The following MRPL3 variants were observed in gnomAD, a reference collection of about 807,000 sequenced individuals.
MRPL3 encodes mitochondrial ribosomal protein L3.
A neutral mutation model predicts 44.3 loss-of-function variants in MRPL3; 43 were observed. The ratio of observed to expected loss-of-function variants is 0.97; its 90% confidence interval spans 0.76 to 1.25. The LOEUF (loss-of-function observed/expected upper bound fraction) is 1.25, where lower values mean the gene tolerates loss of function less well. MRPL3 is among the 50% of genes most tolerant of loss of function. MRPL3 has a pLI of 0.00. For missense variants in MRPL3, 406 were observed against 427.6 expected, an observed-to-expected ratio of 0.95 and a Z score of 0.45; for synonymous variants, 171 against 152.3, an observed-to-expected ratio of 1.12 and a Z score of -0.91.
At chr3:131,470,346 T>C (rs536842982) in intron 7 of MRPL3, among the ~76,000 whole-genome samples, 1 of 152,272 alleles carries the variant, frequency 6.6e-6, no homozygotes, top group South Asian at 2.1e-4. Flanking sequence ...TAGTTCTACA[T>C]CTAAAGAAGC....
intron 6 of MRPL3, chr3:131,479,189 C>A (rs369067939): frequency 2.7e-5 from 14 of 519,122 alleles, no homozygotes; most frequent in Middle Eastern, 3.2e-4. Flanking sequence ...ACTGTCCCCC[C>A]TGCCTGGACA....
chr3:131,486,952 G>A (rs1016929314), intron 6 of MRPL3, among the ~76,000 whole-genome samples: 2 of 151,974 alleles, frequency 1.3e-5, no homozygotes, highest in Non-Finnish European at 2.9e-5. Context: ...CCCATTACTG[G>A]GTATATACCC....
intron 3 of MRPL3, among the ~76,000 whole-genome samples, chr3:131,498,701 C>CAAAAAA (rs71133698): frequency 2.5e-5 from 2 of 81,490 alleles, no homozygotes; most frequent in Admixed American, 1.5e-4. Flanking sequence ...GACTCCGTCT[C>CAAAAAA]AAAAAAAAAA....
intron 1 of MRPL3, 99 bp from the exon 2 acceptor site, chr3:131,501,814 G>C (rs1559836613): frequency 6.3e-7 from 1 of 1,597,438 alleles, no homozygotes; most frequent in East Asian, 2.2e-5. Context: ...TGTAGTCAGG[G>C]CCTTGGGAAA....
At chr3:131,476,624 A>C (rs1933857994) in intron 6 of MRPL3, among the ~76,000 whole-genome samples, 1 of 152,216 alleles carries the variant, frequency 6.6e-6, no homozygotes, top group Non-Finnish European at 1.5e-5. Context: ...AATTTTAGTT[A>C]GATATATTTG....
chr3:131,496,404 G>A (rs1934371686), intron 4 of MRPL3, among the ~76,000 whole-genome samples: 3 of 152,124 alleles, frequency 2.0e-5, no homozygotes, highest in Non-Finnish European at 4.4e-5. Context: ...AAAAATAAAT[G>A]GAGTATGCTA....
chr3:131,497,789 A>C (rs1162759914), intron 4 of MRPL3, among the ~76,000 whole-genome samples: 1 of 152,236 alleles, frequency 6.6e-6, no homozygotes, highest in African/African-American at 2.4e-5. Context: ...CATAGGAAGA[A>C]AGTGAAATGA....
chr3:131,473,580 G>C (rs1174079673), intron 6 of MRPL3, among the ~76,000 whole-genome samples: 1 of 151,784 alleles, frequency 6.6e-6, no homozygotes, highest in Non-Finnish European at 1.5e-5. Flanking sequence ...CACAGCAAAA[G>C]AAACAAAGCA....
chr3:131,480,334 C>G (rs140979047), intron 6 of MRPL3, among the ~76,000 whole-genome samples: 1 of 152,168 alleles, frequency 6.6e-6, no homozygotes, highest in African/African-American at 2.4e-5. Flanking sequence ...ACAAGTCAGT[C>G]ATGGTGGAAT....
rs1553718275 is a variant in MRPL3, at chr3:131,486,444, A to AT, written c.629+1235dup. Reference sequence around the variant, plus strand: ...AGGCAACCTACAGAATGGGAGAAAAATTTTTTTTTTTTTTTATTATACTCT... The same window carrying AT: ...AGGCAACCTACAGAATGGGAGAAAAATTTTTTTTTTTTTTTTATTATACTCT... On this transcript the variant is annotated intron_variant, in intron 6 of 9. Transcript: ENST00000264995. Among the ~76,000 whole-genome samples, 696 of 139,430 alleles carry AT rather than the reference A, an allele frequency of 5.0e-3. 9 individuals are homozygous for AT. The highest frequency in any genetic ancestry group is 0.032 in the East Asian group (158 of 4,898). The allele number at this position is 139,430 out of a possible 152,430, so 91.5% of individuals were successfully genotyped here.
rs959106938 is a variant in MRPL3, at chr3:131,468,188, C to A, written c.817-20G>T. On this transcript the variant is annotated intron_variant, in intron 8 of 9. Transcript: ENST00000264995. ...CCACACCTAAAGCATGAAATAAAACCAAAAATTTTAGGATATACTTGTATT... is the reference window on the plus strand; with the variant it reads ...CCACACCTAAAGCATGAAATAAAACAAAAAATTTTAGGATATACTTGTATT... 1.3e-6 allele frequency: 2 copies of A among 1,486,266 alleles called. No individual in the cohort carries two copies. Among genetic ancestry groups the A allele is most frequent in the Non-Finnish European group, 1.8e-6 (2 of 1,093,544 alleles). 92.1% of individuals were successfully genotyped at this position (1,486,266 alleles called of 1,614,324 possible). A position where few individuals can be genotyped will look rare whatever the true frequency, so the allele number is the denominator to read the frequency against.
At chr3:131,501,897 G>T (rs1164425952) in intron 1 of MRPL3, 182 bp from the exon 2 acceptor site, 9 of 1,537,394 alleles carry the variant, frequency 5.9e-6, no homozygotes, top group Non-Finnish European at 7.8e-6. Flanking sequence ...TTCGGATAAG[G>T]CTCACATTTA....
intron 4 of MRPL3, among the ~76,000 whole-genome samples, chr3:131,497,599 T>C (rs1009741320): frequency 3.9e-5 from 6 of 152,150 alleles, no homozygotes; most frequent in African/African-American, 1.4e-4. Context: ...AGGATACTCA[T>C]TGGGCAGCTT....
At chr3:131,499,567 G>C (rs1934448560) in intron 3 of MRPL3, among the ~76,000 whole-genome samples, 1 of 152,090 alleles carries the variant, frequency 6.6e-6, no homozygotes, top group Admixed American at 6.6e-5. Context: ...AATTTGCAAA[G>C]GATCTATAGA....
intron 5 of MRPL3, 111 bp from the exon 6 acceptor site, chr3:131,487,851 G>A: frequency 1.3e-6 from 1 of 756,812 alleles, no homozygotes. Flanking sequence ...AAAATGGTAA[G>A]AGATTCTCTT....
intron 1 of MRPL3, among the ~76,000 whole-genome samples, chr3:131,502,111 T>C (rs189885821): frequency 6.6e-6 from 1 of 152,186 alleles, no homozygotes; most frequent in Non-Finnish European, 1.5e-5. Context: ...TGCAATGACA[T>C]GGCCTAGGTT....
Position 131,488,669 on chromosome 3 carries a change from T to C in MRPL3, c.569-929A>G, listed in dbSNP as rs148674806. 3.8e-4 allele frequency: 58 copies of C among 152,164 alleles called. No individual in the cohort carries two copies. In the East Asian group the frequency reaches 9.3e-3, roughly 24 times the overall value. The allele number at this position is 152,164 out of a possible 1,614,324, so 9.4% of individuals were successfully genotyped here. A position where few individuals can be genotyped will look rare whatever the true frequency, so the allele number is the denominator to read the frequency against. ...TTTTAAATGGCAGAAACCACTGTAG[T>C]AGAGAATGTAACTGAAAGTTTATTT... is the stretch of plus-strand genomic sequence containing the variant. On this transcript the variant is annotated intron_variant, in intron 5 of 9. Coordinates refer to ENST00000264995, the MANE Select transcript of MRPL3 (RefSeq NM_007208.4).
chr3:131,502,672 G>T (rs1285506478), intron 1 of MRPL3, 58 bp downstream of exon 1: 3 of 1,454,028 alleles, frequency 2.1e-6, no homozygotes, highest in Non-Finnish European at 1.9e-6. Context: ...ACTGCACCAG[G>T]CCATTCCACT....
In MRPL3 at chr3:131,487,734, G is replaced by A. The variant is rs1221695801; in HGVS notation, c.575C>T (p.Pro192Leu). 1 of 1,607,982 alleles carries A rather than the reference G, an allele frequency of 6.2e-7. No individual in the cohort carries two copies. The highest frequency in any genetic ancestry group is 1.1e-5 in the South Asian group (1 of 89,264). ...TDNAAIKPGT[P>L]LYAAHFRPGQ... is the part of the protein sequence containing the mutation. ...TGGACGAAAGTGAGCAGCATAAAGA[G>A]GAGTGCCTTTATGAAAAGAAAATGA... Residue 192 changes from proline to leucine, a missense_variant, in exon 6 of 10, where the codon CCT becomes CTT. Pro to Leu is a moderately conservative substitution (Grantham distance 98). Coordinates refer to ENST00000264995, the MANE Select transcript of MRPL3 (RefSeq NM_007208.4).
Sources: allele counts gnomAD v4.1 joint callset (sites outside exome capture counted in the v4.1 genomes callset), GRCh38; gene constraint gnomAD v4.1.1; transcripts MANE v1.5; gene names NCBI Gene and HGNC (gene_info 2026-07-23, HGNC 2026-07-21).